Variants in ARHGAP15 observed in about 807,000 individuals in gnomAD.
ARHGAP15 encodes the protein Rho GTPase activating protein 15.
In ARHGAP15, 51 loss-of-function variants were observed where a neutral mutation model predicts 63.7. The ratio of observed to expected loss-of-function variants is 0.80; its 90% confidence interval spans 0.64 to 1.01. The LOEUF (loss-of-function observed/expected upper bound fraction) is 1.01. ARHGAP15 is among the 50% of genes least tolerant of loss of function. The pLI is 0.00. For missense variants in ARHGAP15, 560 were observed against 564.6 expected (o/e 0.99, Z 0.08); for synonymous variants, 191 against 193.8 (o/e 0.99, Z 0.12).
chr2:143,522,295 T>C (rs1030470511), intron 10 of ARHGAP15, among the ~76,000 whole-genome samples: 1 of 152,210 alleles, frequency 6.6e-6, no homozygotes, highest in South Asian at 2.1e-4. Flanking sequence ...CATTGTCTGC[T>C]GAGCCTTGAA....
At chr2:143,444,497 C>A (rs1051398878) in intron 8 of ARHGAP15, among the ~76,000 whole-genome samples, 2 of 152,136 alleles carry the variant, frequency 1.3e-5, no homozygotes, top group African/African-American at 4.8e-5. Flanking sequence ...ATGTGCAGAG[C>A]AAAACATTAT....
chr2:143,487,576 A>G, intron 9 of ARHGAP15, 81 bp downstream of exon 9: 2 of 1,398,154 alleles, frequency 1.4e-6, no homozygotes, highest in Admixed American at 5.1e-5. Context: ...CTCTAAAGGA[A>G]TATTAGAATA....
intron 10 of ARHGAP15, among the ~76,000 whole-genome samples, chr2:143,533,936 G>A (rs1279063063): frequency 6.6e-6 from 1 of 152,162 alleles, no homozygotes. Context: ...ATAAGCCTTA[G>A]GTTGTTACTG....
chr2:143,397,312 A>ATGTGTG (rs1378663277), intron 6 of ARHGAP15, among the ~76,000 whole-genome samples: 14 of 120,672 alleles, frequency 1.2e-4, no homozygotes, highest in African/African-American at 4.4e-4. Context: ...AATATGAGAT[A>ATGTGTG]TGTATGTGTG....
intron 12 of ARHGAP15, among the ~76,000 whole-genome samples, chr2:143,685,705 G>T (rs1430075105): frequency 6.6e-6 from 1 of 152,136 alleles, no homozygotes; most frequent in Non-Finnish European, 1.5e-5. Flanking sequence ...CATTAGAAGT[G>T]ATACAATCAG....
intron 6 of ARHGAP15, among the ~76,000 whole-genome samples, chr2:143,342,177 A>T (rs1194205184): frequency 6.6e-6 from 1 of 152,112 alleles, no homozygotes; most frequent in Non-Finnish European, 1.5e-5. Flanking sequence ...TTGGAGATTC[A>T]TAAAAGTTGA....
At chr2:143,704,840 A>T (rs1463799232) in intron 13 of ARHGAP15, among the ~76,000 whole-genome samples, 1 of 152,158 alleles carries the variant, frequency 6.6e-6, no homozygotes, top group South Asian at 2.1e-4. Context: ...ATGATTTTTC[A>T]TTGTGAATGT....
In ARHGAP15 at chr2:143,435,664, T is replaced by G; in HGVS notation, c.538T>G (p.Trp180Gly). The G allele has an allele frequency of 8.1e-6, 13 of 1,609,484 alleles. No homozygotes were observed. The highest frequency in any genetic ancestry group is 1.1e-5 in the Non-Finnish European group (13 of 1,178,474). ...QSDIDFIILD[W>G]FHAIKNAIDR... Reference sequence around the variant, plus strand: ...AGATATTGACTTCATCATATTGGATTGGTTCCACGCTATCAAAAATGCAAT... The same window carrying G: ...AGATATTGACTTCATCATATTGGATGGGTTCCACGCTATCAAAAATGCAAT... Residue 180 changes from tryptophan to glycine, a missense_variant, in exon 7 of 14, where the codon TGG becomes GGG. By Grantham distance (184) the Trp-to-Gly change is radical. Coordinates refer to ENST00000295095, the MANE Select transcript of ARHGAP15 (RefSeq NM_018460.4).
At chr2:143,222,359 T>C (rs2105157795) in intron 4 of ARHGAP15, among the ~76,000 whole-genome samples, 1 of 152,310 alleles carries the variant, frequency 6.6e-6, no homozygotes, top group Non-Finnish European at 1.5e-5. Context: ...TAAGAGAACC[T>C]GAAATTTGTC....
chr2:143,507,793 C>A (rs6705184), intron 9 of ARHGAP15, among the ~76,000 whole-genome samples: 28 of 151,898 alleles, frequency 1.8e-4, no homozygotes, highest in African/African-American at 6.3e-4. Context: ...CCTGGGATCA[C>A]CCCCGCTTTC....
intron 6 of ARHGAP15, among the ~76,000 whole-genome samples, chr2:143,280,071 C>CTAG: frequency 6.6e-6 from 1 of 152,142 alleles, no homozygotes; most frequent in African/African-American, 2.4e-5. Flanking sequence ...GAAATGAATT[C>CTAG]AACCTATAAT....
chr2:143,515,870 T>C (rs974376963), intron 9 of ARHGAP15, among the ~76,000 whole-genome samples: 13 of 152,230 alleles, frequency 8.5e-5, no homozygotes, highest in Non-Finnish European at 1.8e-4. Flanking sequence ...CTTTTATAAC[T>C]TAATACATCA....
intron 12 of ARHGAP15, among the ~76,000 whole-genome samples, chr2:143,679,640 G>A (rs935701219): frequency 8.1e-6 from 1 of 123,932 alleles, no homozygotes; most frequent in Non-Finnish European, 1.8e-5. Context: ...CTTGAATGAG[G>A]GGGTGCGTGT....
intron 5 of ARHGAP15, among the ~76,000 whole-genome samples, chr2:143,246,607 C>T (rs184220534): frequency 1.3e-5 from 2 of 151,636 alleles, no homozygotes; most frequent in Non-Finnish European, 2.9e-5. Context: ...CTCCAGTATT[C>T]GGGGATATGA....
At chr2:143,248,889 C>T (rs1470322807) in intron 5 of ARHGAP15, among the ~76,000 whole-genome samples, 1 of 152,006 alleles carries the variant, frequency 6.6e-6, no homozygotes, top group Non-Finnish European at 1.5e-5. Context: ...ATAATTATAC[C>T]TTTTTAACCC....
At chr2:143,244,826 G>T (rs1693988202) in intron 5 of ARHGAP15, among the ~76,000 whole-genome samples, 1 of 152,208 alleles carries the variant, frequency 6.6e-6, no homozygotes, top group Non-Finnish European at 1.5e-5. Flanking sequence ...ATTCTTGTGA[G>T]AGAAAATAAG....
At chr2:143,330,438 C>T (rs1002585303) in intron 6 of ARHGAP15, among the ~76,000 whole-genome samples, 1 of 151,702 alleles carries the variant, frequency 6.6e-6, no homozygotes, top group Non-Finnish European at 1.5e-5. Flanking sequence ...CATAAAATAC[C>T]CATAGTAATT....
chr2:143,304,682 TG>T (rs557739548), intron 6 of ARHGAP15, among the ~76,000 whole-genome samples: 41 of 152,240 alleles, frequency 2.7e-4, no homozygotes, highest in Middle Eastern at 3.4e-3. Flanking sequence ...GTGATTAAAA[TG>T]AATATCACTT....
intron 3 of ARHGAP15, among the ~76,000 whole-genome samples, chr2:143,212,021 T>C (rs938275789): frequency 1.3e-5 from 2 of 152,214 alleles, no homozygotes; most frequent in African/African-American, 4.8e-5. Context: ...AGTTGCAGAT[T>C]AAGTTTATTT....
Sources: gnomAD v4.1 joint callset for allele counts (sites outside exome capture counted in the v4.1 genomes callset) on GRCh38, gnomAD v4.1.1 for gene constraint, MANE v1.5 for transcripts, NCBI Gene and HGNC (gene_info 2026-07-23, HGNC 2026-07-21) for gene names.